The following CEP63 variants were observed in gnomAD, a reference collection of about 807,000 sequenced individuals.
CEP63 encodes centrosomal protein 63, also known as centrosomal protein of 63 kDa.
CEP63 carries 84 observed loss-of-function variants against 89.1 expected under a neutral mutation model. The observed-to-expected ratio is 0.94, with a 90% CI of 0.79 to 1.13. CEP63 has a LOEUF of 1.13. Ranked by LOEUF, CEP63 falls within the 50% of genes most tolerant of loss-of-function variation. CEP63 has a pLI of 0.00. For synonymous variants in CEP63, 267 were observed against 272.5 expected (o/e 0.98, Z 0.20); for missense variants, 838 against 813.3 (o/e 1.03, Z -0.37).
the CEP63 span, among the ~76,000 whole-genome samples, chr3:134,760,250 G>C: frequency 1.3e-5 from 2 of 151,852 alleles, no homozygotes; most frequent in Non-Finnish European, 2.9e-5. Context: ...TAGTAGAGAC[G>C]GGGTTTCACT....
chr3:134,685,255 A>G, the CEP63 span, among the ~76,000 whole-genome samples: 3 of 152,136 alleles, frequency 2.0e-5, no homozygotes, highest in East Asian at 1.9e-4. Context: ...AGATGAAGCA[A>G]TGATGAAAAT....
the CEP63 span, among the ~76,000 whole-genome samples, chr3:134,692,941 C>G: frequency 6.6e-6 from 1 of 152,240 alleles, no homozygotes; most frequent in Non-Finnish European, 1.5e-5. Flanking sequence ...TCTTCCTTCT[C>G]TTTCTCGCTT....
At chr3:134,622,936 G>T in the CEP63 span, among the ~76,000 whole-genome samples, 1 of 152,160 alleles carries the variant, frequency 6.6e-6, no homozygotes, top group African/African-American at 2.4e-5. Context: ...CACTGGCCCA[G>T]CACACTGGCA....
the CEP63 span, among the ~76,000 whole-genome samples, chr3:134,724,790 G>GT: frequency 6.6e-6 from 1 of 152,282 alleles, no homozygotes; most frequent in South Asian, 2.1e-4. Flanking sequence ...ATGCTATGCA[G>GT]TTTCCAAAGG....
chr3:134,575,233 CCCTTCCTTCCTT>C (rs765595667), downstream of CEP63, among the ~76,000 whole-genome samples: 158 of 54,138 alleles, frequency 2.9e-3, 3 homozygotes, highest in African/African-American at 8.7e-3. Context: ...CTCCCTCCCT[CCCTTCCTTCCTT>C]CCTTCCTTCC....
At chr3:134,489,667 T>C (rs894745741) in intron 1 of CEP63, among the ~76,000 whole-genome samples, 4 of 152,096 alleles carry the variant, frequency 2.6e-5, no homozygotes, top group Non-Finnish European at 4.4e-5. Context: ...CAACTGAGAG[T>C]CTTTTATGAA....
chr3:134,771,858 G>A, the CEP63 span, among the ~76,000 whole-genome samples: 1 of 152,154 alleles, frequency 6.6e-6, no homozygotes. Flanking sequence ...AGAAGTCCAT[G>A]CCCATCTTCA....
intron 6 of CEP63, among the ~76,000 whole-genome samples, chr3:134,545,157 G>A (rs1440301960): frequency 1.3e-5 from 2 of 151,594 alleles, no homozygotes; most frequent in African/African-American, 4.9e-5. Context: ...GCGCCACCAC[G>A]CCCAGCTAAT....
the CEP63 span, among the ~76,000 whole-genome samples, chr3:134,740,080 C>A: frequency 0.022 from 3,365 of 152,156 alleles, 126 homozygotes; most frequent in African/African-American, 0.077. Context: ...GGAAGTAGAA[C>A]ACGGAGTATC....
chr3:134,776,689 G>GT, the CEP63 span, among the ~76,000 whole-genome samples: 1 of 152,204 alleles, frequency 6.6e-6, no homozygotes, highest in Non-Finnish European at 1.5e-5. Context: ...TGAGGCTGAG[G>GT]TGTAGTGATG....
the CEP63 span, among the ~76,000 whole-genome samples, chr3:134,618,308 T>TATA: frequency 2.0e-5 from 3 of 152,234 alleles, no homozygotes; most frequent in East Asian, 5.8e-4. Flanking sequence ...GACTAAGTGT[T>TATA]ACACTTGGTT....
intron 6 of CEP63, among the ~76,000 whole-genome samples, chr3:134,543,405 C>T (rs1010248912): frequency 1.3e-5 from 2 of 152,134 alleles, no homozygotes; most frequent in Admixed American, 1.3e-4. Flanking sequence ...GATTAATGTA[C>T]TTTTCACTAT....
intron 10 of CEP63, among the ~76,000 whole-genome samples, chr3:134,585,197 C>T (rs1309891383): frequency 6.6e-6 from 1 of 151,972 alleles, no homozygotes; most frequent in Admixed American, 6.5e-5. Context: ...TTCAGTTTTG[C>T]TCTGATCTTA....
chr3:134,665,698 CACACAGAG>C, the CEP63 span, among the ~76,000 whole-genome samples: 1 of 104,380 alleles, frequency 9.6e-6, no homozygotes, highest in African/African-American at 3.7e-5. Flanking sequence ...CACACACACA[CACACAGAG>C]AGAGAGAGAG....
At chr3:134,553,791 G>C (rs1295972334) in intron 12 of CEP63, among the ~76,000 whole-genome samples, 1 of 152,110 alleles carries the variant, frequency 6.6e-6, no homozygotes, top group African/African-American at 2.4e-5. Flanking sequence ...GTGTGTTTCT[G>C]ATTTTGATAG....
At chr3:134,624,847 T>G in the CEP63 span, among the ~76,000 whole-genome samples, 1 of 151,246 alleles carries the variant, frequency 6.6e-6, no homozygotes, top group Non-Finnish European at 1.5e-5. Context: ...GTGGGTGGGC[T>G]GGGGGATGGA....
chr3:134,557,461 A>G (rs1356850998), intron 12 of CEP63, among the ~76,000 whole-genome samples: 1 of 146,436 alleles, frequency 6.8e-6, no homozygotes, highest in Non-Finnish European at 1.5e-5. Flanking sequence ...ATAACTTTGC[A>G]TAATACTAAT....
the CEP63 span, among the ~76,000 whole-genome samples, chr3:134,752,520 C>T: frequency 1.3e-5 from 2 of 152,136 alleles, no homozygotes; most frequent in Admixed American, 6.5e-5. Context: ...GGACAGCAGC[C>T]AACTCCTCCT....
At position 134,535,682 on chromosome 3, in the gene CEP63, A is replaced by T. The variant is rs376603388; in HGVS notation, c.442-1473A>T. 3 of 152,084 alleles carry T rather than the reference A, an allele frequency of 2.0e-5. 1 individual carries two copies. In the East Asian group the frequency reaches 5.8e-4, roughly 29 times the overall value. The allele number at this position is 152,084 out of a possible 1,614,324, so 9.4% of individuals were successfully genotyped here. A position where few individuals can be genotyped will look rare whatever the true frequency, so the allele number is the denominator to read the frequency against. On this transcript the variant is annotated intron_variant, in intron 5 of 14. Coordinates refer to ENST00000675561, the MANE Select transcript of CEP63 (RefSeq NM_001353108.3). ...CCACTATGATGTCTAAAATGTGTCA[A>T]ACTTAACATGTCCAAGCTAAAGGTC...
Sources: allele counts gnomAD v4.1 joint callset (sites outside exome capture counted in the v4.1 genomes callset), GRCh38; gene constraint gnomAD v4.1.1; transcripts MANE v1.5; gene names NCBI Gene and HGNC (gene_info 2026-07-23, HGNC 2026-07-21).